Variants in CNTNAP2 observed in about 807,000 individuals in gnomAD.
CNTNAP2 encodes the protein contactin-associated protein-like 2.
CNTNAP2 carries 98 observed loss-of-function variants against 155.2 expected under a neutral mutation model. The ratio of observed to expected loss-of-function variants is 0.63; its 90% confidence interval spans 0.54 to 0.75. The LOEUF (loss-of-function observed/expected upper bound fraction) is 0.75. CNTNAP2 is among the 30% of genes least tolerant of loss of function. The pLI, the probability that CNTNAP2 is intolerant of heterozygous loss-of-function variation, is 0.00. For synonymous variants in CNTNAP2, 651 were observed against 631.2 expected, an observed-to-expected ratio of 1.03 and a Z score of -0.47; for missense variants, 1,727 against 1,688.1, an observed-to-expected ratio of 1.02 and a Z score of -0.40.
At chr7:148,167,542 C>G (rs1200686657) in intron 17 of CNTNAP2, among the ~76,000 whole-genome samples, 4 of 151,772 alleles carry the variant, frequency 2.6e-5, no homozygotes. Flanking sequence ...AAAAAGCAAG[C>G]AAGGAAGAGA....
At chr7:147,363,273 A>G (rs938459002) in intron 9 of CNTNAP2, among the ~76,000 whole-genome samples, 1 of 152,220 alleles carries the variant, frequency 6.6e-6, no homozygotes, top group Non-Finnish European at 1.5e-5. Flanking sequence ...GCCGGAATGC[A>G]GGCCCTCTCC....
intron 11 of CNTNAP2, among the ~76,000 whole-genome samples, chr7:147,519,008 C>T (rs1216599574): frequency 8.0e-6 from 1 of 124,684 alleles, no homozygotes; most frequent in Non-Finnish European, 1.6e-5. Context: ...TCCAGCCTGG[C>T]GACAGACTCT....
intron 3 of CNTNAP2, among the ~76,000 whole-genome samples, chr7:146,998,354 T>C (rs1258637798): frequency 6.6e-6 from 1 of 152,064 alleles, no homozygotes. Context: ...TTCCCCCTGT[T>C]ATTGATTTCT....
chr7:146,495,305 T>G (rs898852737), intron 1 of CNTNAP2, among the ~76,000 whole-genome samples: 3 of 152,206 alleles, frequency 2.0e-5, no homozygotes, highest in African/African-American at 7.2e-5. Flanking sequence ...CATATTTGTG[T>G]GTTTTCTTCG....
chr7:146,178,901 T>C (rs1798510266), intron 1 of CNTNAP2, among the ~76,000 whole-genome samples: 1 of 152,218 alleles, frequency 6.6e-6, no homozygotes, highest in African/African-American at 2.4e-5. Flanking sequence ...AGACTTGGTC[T>C]AAAGCCACCT....
intron 1 of CNTNAP2, among the ~76,000 whole-genome samples, chr7:146,579,231 C>A (rs1036924304): frequency 1.3e-5 from 2 of 152,016 alleles, no homozygotes; most frequent in African/African-American, 2.4e-5. Context: ...TAAATATTTT[C>A]TAAACAAGTA....
intron 8 of CNTNAP2, among the ~76,000 whole-genome samples, chr7:147,172,911 C>G (rs1802261454): frequency 6.6e-6 from 1 of 152,206 alleles, no homozygotes; most frequent in South Asian, 2.1e-4. Context: ...TAAGTGTTAT[C>G]ATTTACCACA....
chr7:147,917,979 A>G (rs556850961), intron 14 of CNTNAP2, among the ~76,000 whole-genome samples: 2 of 152,182 alleles, frequency 1.3e-5, no homozygotes, highest in Non-Finnish European at 2.9e-5. Flanking sequence ...TTTCAACATC[A>G]TCTACTTCTG....
intron 15 of CNTNAP2, among the ~76,000 whole-genome samples, chr7:148,014,658 T>C (rs1251654845): frequency 6.6e-6 from 1 of 152,204 alleles, no homozygotes; most frequent in African/African-American, 2.4e-5. Context: ...TGCCCCTTGT[T>C]GATATAAAGA....
At chr7:148,373,023 C>G (rs1798918287) in intron 21 of CNTNAP2, among the ~76,000 whole-genome samples, 1 of 152,208 alleles carries the variant, frequency 6.6e-6, no homozygotes, top group Non-Finnish European at 1.5e-5. Context: ...ACCTGCACAC[C>G]TTGTCACACT....
At chr7:146,606,646 A>G (rs1319852292) in intron 1 of CNTNAP2, among the ~76,000 whole-genome samples, 2 of 152,226 alleles carry the variant, frequency 1.3e-5, no homozygotes, top group Non-Finnish European at 2.9e-5. Context: ...TAATTCAACA[A>G]GCAGAAATAT....
At chr7:147,947,026 A>G (rs1304666427) in intron 14 of CNTNAP2, among the ~76,000 whole-genome samples, 1 of 151,926 alleles carries the variant, frequency 6.6e-6, no homozygotes, top group Non-Finnish European at 1.5e-5. Context: ...GAAATGAATA[A>G]GCCCAAAGCA....
chr7:146,496,260 G>A (rs186235336), intron 1 of CNTNAP2, among the ~76,000 whole-genome samples: 1,883 of 152,212 alleles, frequency 0.012, 21 homozygotes, highest in South Asian at 0.032. Context: ...CCCACAATAC[G>A]CGTGGACATG....
intron 13 of CNTNAP2, among the ~76,000 whole-genome samples, chr7:147,807,646 T>C (rs1010217489): frequency 6.6e-6 from 1 of 152,198 alleles, no homozygotes; most frequent in African/African-American, 2.4e-5. Context: ...GCACCTGCTG[T>C]ATACTAAAGG....
chr7:147,645,161 G>T (rs534523037), intron 13 of CNTNAP2, among the ~76,000 whole-genome samples: 1 of 152,056 alleles, frequency 6.6e-6, no homozygotes, highest in Non-Finnish European at 1.5e-5. Flanking sequence ...GTAAAATTCA[G>T]CATACTTTAT....
rs112859587 is a variant in CNTNAP2 at position 147,294,498 on chromosome 7, A to G, written c.1349-5643A>G. ...CTGTATATGTTTTCCCAAGCCTCAA[A>G]TTCCCATTAACAAAGGACTGGCTAA... On this transcript the variant is annotated intron_variant, in intron 8 of 23. Transcript: ENST00000361727. Among the ~76,000 whole-genome samples the G allele has an allele frequency of 7.9e-4, 121 of 152,278 alleles. 1 individual carries two copies. Among genetic ancestry groups the G allele is most frequent in the African/African-American group, 2.8e-3 (117 of 41,556 alleles).
At chr7:147,553,433 C>T (rs754131272) in intron 11 of CNTNAP2, among the ~76,000 whole-genome samples, 4 of 152,128 alleles carry the variant, frequency 2.6e-5, no homozygotes, top group African/African-American at 4.8e-5. Context: ...AGCATAAAAC[C>T]ACTTCACAAA....
chr7:148,131,893 T>C (rs1804838798), intron 16 of CNTNAP2, among the ~76,000 whole-genome samples: 1 of 151,864 alleles, frequency 6.6e-6, no homozygotes, highest in Non-Finnish European at 1.5e-5. Flanking sequence ...TAGAGCTTCA[T>C]TTAAATATAG....
chr7:147,209,627 T>C (rs1249922589), intron 8 of CNTNAP2, among the ~76,000 whole-genome samples: 2 of 151,968 alleles, frequency 1.3e-5, no homozygotes, highest in Admixed American at 6.6e-5. Context: ...CTATATTATA[T>C]AGGAATGGTG....
Sources: allele counts gnomAD v4.1 joint callset (sites outside exome capture counted in the v4.1 genomes callset), GRCh38; gene constraint gnomAD v4.1.1; transcripts MANE v1.5; gene names NCBI Gene and HGNC (gene_info 2026-07-23, HGNC 2026-07-21).